Variants in BTBD8 observed in about 807,000 individuals in gnomAD.
BTBD8 encodes the protein BTB/POZ domain-containing protein 8.
In BTBD8, 110 loss-of-function variants were observed where a neutral mutation model predicts 162.9. The ratio of observed to expected loss-of-function variants is 0.68; its 90% CI spans 0.58 to 0.79. BTBD8 has a LOEUF of 0.79. Ranked by LOEUF, BTBD8 falls within the 30% of genes least tolerant of loss-of-function variation. The pLI is 0.00. For synonymous variants in BTBD8, 667 were observed against 716.1 expected (o/e 0.93, Z 1.10); for missense variants, 1,905 against 2,085.4 (o/e 0.91, Z 1.68).
At chr1:92,113,892 G>A (rs1157660627) in intron 4 of BTBD8, among the ~76,000 whole-genome samples, 3 of 151,640 alleles carry the variant, frequency 2.0e-5, no homozygotes, top group African/African-American at 7.3e-5. Flanking sequence ...TGTGCCTGTA[G>A]TCCCAGTTAC....
At chr1:92,083,251 G>A (rs1231189460) in intron 1 of BTBD8, among the ~76,000 whole-genome samples, 3 of 151,962 alleles carry the variant, frequency 2.0e-5, no homozygotes, top group Non-Finnish European at 4.4e-5. Context: ...CAAGCAGTCT[G>A]CCTCCTCTAC....
At chr1:92,122,332 C>G (rs1161183930) in intron 4 of BTBD8, among the ~76,000 whole-genome samples, 1 of 151,642 alleles carries the variant, frequency 6.6e-6, no homozygotes, top group African/African-American at 2.4e-5. Flanking sequence ...AATCTCGGCT[C>G]ACTGCAACCT....
At chr1:92,170,268 G>A (rs1018694630) in intron 12 of BTBD8, among the ~76,000 whole-genome samples, 1 of 152,104 alleles carries the variant, frequency 6.6e-6, no homozygotes, top group Non-Finnish European at 1.5e-5. Flanking sequence ...TTTTCGTTCT[G>A]TTACATTATA....
At chr1:92,183,062 T>G (rs1246925890) in intron 17 of BTBD8, among the ~76,000 whole-genome samples, 1 of 152,158 alleles carries the variant, frequency 6.6e-6, no homozygotes, top group Non-Finnish European at 1.5e-5. Context: ...ACAATTTATA[T>G]ACATTTTACA....
intron 2 of BTBD8, among the ~76,000 whole-genome samples, chr1:92,090,088 A>G (rs769434728): frequency 6.6e-6 from 1 of 152,184 alleles, no homozygotes; most frequent in Non-Finnish European, 1.5e-5. Flanking sequence ...ATGATGAATA[A>G]TGCTGCTATA....
intron 4 of BTBD8, among the ~76,000 whole-genome samples, chr1:92,114,504 C>T (rs968549017): frequency 6.6e-6 from 1 of 152,038 alleles, no homozygotes; most frequent in African/African-American, 2.4e-5. Context: ...GTGCTTGCTT[C>T]GGCAGCACAC....
Position 92,139,331 on chromosome 1 carries a change from GTTTTCT to G in BTBD8, c.753-15_753-10del, listed in dbSNP as rs1557453493. Reference sequence around the variant, plus strand: ...AGTTAAACCTTAATTCTGGATTTGAGTTTTCTTTTATTTTTCAGTATAAGCCATGTA... The same window carrying G: ...AGTTAAACCTTAATTCTGGATTTGAGTTTATTTTTCAGTATAAGCCATGTA... On this transcript the variant is annotated splice_polypyrimidine_tract_variant and intron_variant, in intron 5 of 17. Transcript: ENST00000636805. 4 of 1,549,172 alleles carry G rather than the reference GTTTTCT, an allele frequency of 2.6e-6. No individual in the cohort carries two copies. The highest frequency in any genetic ancestry group is 3.4e-6 in the Non-Finnish European group (4 of 1,159,806).
In BTBD8 at chr1:92,180,613, A is replaced by G; in HGVS notation, c.2930A>G (p.Asn977Ser). 1.3e-6 allele frequency: 2 copies of G among 1,550,708 alleles called. No homozygotes were observed. Among genetic ancestry groups the G allele is most frequent in the South Asian group, 1.2e-5 (1 of 83,576 alleles). ...KSMFHDVRDN[N>S]NKDSVSEQKP... ...ATGTTTCATGATGTGCGTGATAATA[A>G]CAACAAGGACAGTGTTTCTGAACAG... is the stretch of plus-strand genomic sequence containing the variant. The change falls in exon 17 of 18, where the codon AAC (asparagine) becomes AGC (serine). Residue 977 changes from asparagine to serine, a missense_variant. Asn to Ser is a conservative substitution (Grantham distance 46). Around this residue, in one of 3 missense-constraint regions of BTBD8, gnomAD observed 1,374 missense variants for 1,442.7 expected, o/e 0.95. Coordinates refer to ENST00000636805, the MANE Select transcript of BTBD8 (RefSeq NM_001376131.1).
intron 5 of BTBD8, 64 bp downstream of exon 5, chr1:92,129,840 A>G: frequency 5.3e-6 from 7 of 1,326,990 alleles, no homozygotes; most frequent in Middle Eastern, 1.8e-4. Context: ...CATACAAAGC[A>G]CTTTTTATGA....
chr1:92,168,539 T>A (rs1650446436), intron 11 of BTBD8, among the ~76,000 whole-genome samples: 1 of 152,206 alleles, frequency 6.6e-6, no homozygotes, highest in South Asian at 2.1e-4. Flanking sequence ...GTTTTTAAAA[T>A]GTATCATATT....
At chr1:92,144,810 T>TAC (rs10631515) in intron 7 of BTBD8, among the ~76,000 whole-genome samples, 6,487 of 140,488 alleles carry the variant, frequency 0.046, 223 homozygotes, top group African/African-American at 0.09. Context: ...AAAAAAAAAC[T>TAC]ACACACACAC....
At chr1:92,102,732 A>G in intron 3 of BTBD8, 63 bp downstream of exon 3, 1 of 1,304,402 alleles carries the variant, frequency 7.7e-7, no homozygotes, top group African/African-American at 1.5e-5. Context: ...TGATACAGTT[A>G]GAGAAAAGCA....
chr1:92,180,572 T>C lies in BTBD8; in HGVS notation c.2889T>C (p.Ser963=), dbSNP rs1397747846. The C allele has an allele frequency of 1.9e-6, 3 of 1,551,482 alleles. No individual in the cohort carries two copies. The South Asian group carries it at 3.6e-5, about 18-fold the overall frequency. Residue 963 remains serine (S), a synonymous_variant, in exon 17 of 18, where the codon TCT becomes TCC. Coordinates refer to ENST00000636805, the MANE Select transcript of BTBD8 (RefSeq NM_001376131.1). ...AAAGACCTTTAAAACATGAAACATC[T>C]ACTGTCCAAAAAAGTATGTTTCATG... ...SSQRPLKHET[S]TVQKSMFHDV...
rs551081873 is a variant in BTBD8, at chr1:92,167,820, C to T, written c.1306-28C>T. 32 of 1,532,720 alleles carry T rather than the reference C, an allele frequency of 2.1e-5. No homozygotes were observed. In the African/African-American group the frequency reaches 4.1e-4, roughly 20 times the overall value. The allele number at this position is 1,532,720 out of a possible 1,614,324, so 94.9% of individuals were successfully genotyped here. On this transcript the variant is annotated intron_variant, in intron 10 of 17. Transcript: ENST00000636805. ...TCTTGTGCATTTTATATGTATTCCT[C>T]TTAAATATTAATTTCTGTGTTTTAT...
At chr1:92,094,329 G>C (rs507452) in intron 2 of BTBD8, among the ~76,000 whole-genome samples, 108,944 of 152,078 alleles carry the variant, frequency 0.72, 39,629 homozygotes, top group East Asian at 0.97. Context: ...CCCTTTTTTG[G>C]TTTCAAAGCA....
At chr1:92,160,405 A>G (rs1395946845) in intron 9 of BTBD8, among the ~76,000 whole-genome samples, 1 of 151,730 alleles carries the variant, frequency 6.6e-6, no homozygotes, top group East Asian at 1.9e-4. Context: ...TTCTTTGTTC[A>G]TTTTCCTTGA....
Position 92,184,412 on chromosome 1 carries a change from G to A in BTBD8, c.*82G>A, listed in dbSNP as rs1005358829. 33 of 839,700 alleles carry A rather than the reference G, an allele frequency of 3.9e-5. No individual in the cohort carries two copies. Among genetic ancestry groups the A allele is most frequent in the Admixed American group, 6.0e-5 (2 of 33,398 alleles). The allele number at this position is 839,700 out of a possible 1,614,324, so 52.0% of individuals were successfully genotyped here. A position where few individuals can be genotyped will look rare whatever the true frequency, so the allele number is the denominator to read the frequency against. ...TATCCAAATGATAATTGCATTAGCC[G>A]GATATAAACTTTCTTTAATATTGAG... On this transcript the variant is annotated 3_prime_UTR_variant, in exon 18 of 18. Coordinates refer to ENST00000636805, the MANE Select transcript of BTBD8 (RefSeq NM_001376131.1).
chr1:92,119,564 G>C (rs1013101920), intron 4 of BTBD8, among the ~76,000 whole-genome samples: 7 of 151,970 alleles, frequency 4.6e-5, no homozygotes, highest in Admixed American at 3.3e-4. Flanking sequence ...AGGATTGCAG[G>C]TGTGAGCTGC....
At chr1:92,109,388 C>G (rs939135628) in intron 4 of BTBD8, among the ~76,000 whole-genome samples, 3 of 152,038 alleles carry the variant, frequency 2.0e-5, no homozygotes, top group African/African-American at 7.2e-5. Flanking sequence ...ACAGGGAAGG[C>G]AGGACCCTGT....
Sources: gnomAD v4.1 joint callset for allele counts (sites outside exome capture counted in the v4.1 genomes callset) on GRCh38, gnomAD v4.1.1 for gene constraint, gnomAD v4.1.1 regional missense constraint, MANE v1.5 for transcripts, NCBI Gene and HGNC (gene_info 2026-07-23, HGNC 2026-07-21) for gene names.